Variants in TFEB observed in about 807,000 individuals in gnomAD.
TFEB encodes the protein transcription factor EB.
Under a neutral mutation model 48.0 loss-of-function variants are expected in TFEB, and 12 were observed. The observed-to-expected ratio is 0.25, with a 90% CI of 0.16 to 0.40. TFEB has a LOEUF of 0.40. TFEB is among the 10% of genes least tolerant of loss of function. The pLI is 1.00. For synonymous variants in TFEB, 244 were observed against 261.4 expected (o/e 0.93, Z 0.64); for missense variants, 509 against 640.3 (o/e 0.79, Z 2.21).
intron 8 of TFEB, among the ~76,000 whole-genome samples, chr6:41,685,342 T>A (rs1397656539): frequency 6.6e-6 from 1 of 152,348 alleles, no homozygotes; most frequent in Middle Eastern, 3.4e-3. Flanking sequence ...AATTGACTTG[T>A]CTAGACTAGA....
chr6:41,723,328 C>T lies in TFEB; in HGVS notation c.-23+12022G>A. On this transcript the variant is annotated intron_variant, in intron 1 of 8. Transcript: ENST00000373033. The surrounding 1 kb of genome is among the most constrained non-coding windows in gnomAD (Gnocchi z 6.0). Reference sequence around the variant, plus strand: ...AGGGGCCTCATCCCTACCCACCCACCTCCCCAAAGACACCACACGCATGCA... The same window carrying T: ...AGGGGCCTCATCCCTACCCACCCACTTCCCCAAAGACACCACACGCATGCA... The T allele has an allele frequency of 1.8e-6, 1 of 543,684 alleles. No homozygotes were observed. Among genetic ancestry groups the T allele is most frequent in the East Asian group, 7.3e-5 (1 of 13,668 alleles). The allele number at this position is 543,684 out of a possible 1,614,324, so 33.7% of individuals were successfully genotyped here.
At chr6:41,705,900 C>A in intron 1 of TFEB, 1 of 152,368 alleles carries the variant, frequency 6.6e-6, no homozygotes, top group South Asian at 2.1e-4. Context: ...AGATTCACTG[C>A]CGGGAGAGGC....
chr6:41,722,998 G>T lies in TFEB; in HGVS notation c.-23+12352C>A, dbSNP rs1466114203. Among the ~76,000 whole-genome samples, 4 of 152,176 alleles carry T rather than the reference G, an allele frequency of 2.6e-5. 1 individual carries two copies. The highest frequency in any genetic ancestry group is 9.7e-5 in the African/African-American group (4 of 41,434). ...TGAAACTGCAAAACGACAGGGCCAG[G>T]ATTCAAGCAGGTGGATGTAGAGCAT... On this transcript the variant is annotated intron_variant, in intron 1 of 8. Coordinates refer to ENST00000373033, the MANE Select transcript of TFEB (RefSeq NM_001271944.2).
At chr6:41,725,229 C>T (rs1259869492) in intron 1 of TFEB, among the ~76,000 whole-genome samples, 1 of 152,332 alleles carries the variant, frequency 6.6e-6, no homozygotes, top group Non-Finnish European at 1.5e-5. Context: ...TAATTAGTTA[C>T]AGGGGCTGTC....
intron 1 of TFEB, among the ~76,000 whole-genome samples, chr6:41,729,984 A>G (rs114349147): frequency 1.3e-5 from 2 of 152,260 alleles, no homozygotes; most frequent in Non-Finnish European, 2.9e-5. Context: ...CAGAAATTCA[A>G]ATTCTAGACC....
Position 41,684,577 on chromosome 6 carries a change from C to T in TFEB, c.*22G>A. 2 of 1,530,000 alleles carry T rather than the reference C, an allele frequency of 1.3e-6. No individual in the cohort carries two copies. The highest frequency in any genetic ancestry group is 1.8e-6 in the Non-Finnish European group (2 of 1,140,208). The allele number at this position is 1,530,000 out of a possible 1,614,324, so 94.8% of individuals were successfully genotyped here. ...CCAGCCCCCAGGCCGGCCCCTGTTC[C>T]CTGGCACAGGGGCAGCCAGGGTCAC... is the stretch of plus-strand genomic sequence containing the variant. On this transcript the variant is annotated 3_prime_UTR_variant, in exon 9 of 9. Coordinates refer to ENST00000373033, the MANE Select transcript of TFEB (RefSeq NM_001271944.2).
chr6:41,717,594 T>C (rs796852254), intron 1 of TFEB, among the ~76,000 whole-genome samples: 2 of 152,040 alleles, frequency 1.3e-5, no homozygotes, highest in African/African-American at 4.8e-5. Context: ...CTGAGAAGGA[T>C]CTCCCAGCAG....
intron 1 of TFEB, among the ~76,000 whole-genome samples, chr6:41,709,349 C>T (rs1440241685): frequency 6.6e-6 from 1 of 152,194 alleles, no homozygotes; most frequent in African/African-American, 2.4e-5. Context: ...AAAATTAGGA[C>T]AATATCCACC....
At chr6:41,687,873 G>A in intron 5 of TFEB, 35 bp downstream of exon 5, 15 of 1,609,876 alleles carry the variant, frequency 9.3e-6, no homozygotes, top group Non-Finnish European at 1.3e-5. Context: ...GAGGAGTCGG[G>A]TATTCAAAGG....
At chr6:41,688,138 C>CA in intron 4 of TFEB, 110 bp from the exon 5 acceptor site, 1 of 1,356,678 alleles carries the variant, frequency 7.4e-7, no homozygotes, top group East Asian at 2.4e-5. Context: ...CCTGGAGTGT[C>CA]AAAATTCACC....
chr6:41,719,201 T>C (rs1390867939), intron 1 of TFEB, among the ~76,000 whole-genome samples: 3 of 152,060 alleles, frequency 2.0e-5, no homozygotes, highest in Non-Finnish European at 4.4e-5. Context: ...CCTGTCACTG[T>C]CTCCCATCAC....
chr6:41,726,220 G>T (rs1322916881), intron 1 of TFEB, among the ~76,000 whole-genome samples: 2 of 152,206 alleles, frequency 1.3e-5, no homozygotes, highest in African/African-American at 2.4e-5. Flanking sequence ...TGACGTAAAA[G>T]AACATGTCCA....
intron 1 of TFEB, among the ~76,000 whole-genome samples, chr6:41,694,150 G>A (rs574650570): frequency 4.6e-5 from 7 of 152,206 alleles, no homozygotes; most frequent in Non-Finnish European, 7.3e-5. Context: ...GCCTGGCCTC[G>A]CGTGGACTGG....
Position 41,731,232 on chromosome 6 carries a change from G to A in TFEB, c.-23+4118C>T, listed in dbSNP as rs114054245. Reference sequence around the variant, plus strand: ...TAGGTGTGGAAACTGAGGCACAGTGGGGTTAAGCAGCTTGCCGAGGCTCAC... The same window carrying A: ...TAGGTGTGGAAACTGAGGCACAGTGAGGTTAAGCAGCTTGCCGAGGCTCAC... On this transcript the variant is annotated intron_variant, in intron 1 of 8. Coordinates refer to ENST00000373033, the MANE Select transcript of TFEB (RefSeq NM_001271944.2). Among the ~76,000 whole-genome samples, 974 of 152,276 alleles carry A rather than the reference G, an allele frequency of 6.4e-3. 11 individuals carry two copies. Among genetic ancestry groups the A allele is most frequent in the African/African-American group, 0.022 (920 of 41,530 alleles).
At chr6:41,685,386 A>G (rs1033496528) in intron 8 of TFEB, among the ~76,000 whole-genome samples, 9 of 152,212 alleles carry the variant, frequency 5.9e-5, no homozygotes, top group African/African-American at 2.2e-4. Flanking sequence ...CATTGCATCT[A>G]TTAAGGACGA....
rs1768873704 is a variant in TFEB at position 41,684,359 on chromosome 6, G to A, written c.*240C>T. 2.4e-6 allele frequency: 1 copy of A among 414,816 alleles called. No homozygotes were observed. The highest frequency in any genetic ancestry group is 2.1e-5 in the African/African-American group (1 of 48,766). The allele number at this position is 414,816 out of a possible 1,614,324, so 25.7% of individuals were successfully genotyped here. A position where few individuals can be genotyped will look rare whatever the true frequency, so the allele number is the denominator to read the frequency against. ...TCCCTGCCCCGCGATTCCATCTCCG[G>A]GAGAGGGGCTGAAGGCCTCTTCCCA... is the stretch of plus-strand genomic sequence containing the variant. On this transcript the variant is annotated 3_prime_UTR_variant, in exon 9 of 9. Transcript: ENST00000373033.
Position 41,684,884 on chromosome 6 carries a change from G to T in TFEB, c.1146C>A (p.Pro382=). The change falls in exon 9 of 9, where the codon CCC becomes CCA. Residue 382 remains proline, a synonymous_variant. Transcript: ENST00000373033. ...LPALPPQAPL[P]LPTQPPSPFH... Reference sequence around the variant, plus strand: ...ATGGGGATGGTGGCTGGGTGGGCAGGGGCAGCGGGGCTTGCGGGGGCAGAG... The same window carrying T: ...ATGGGGATGGTGGCTGGGTGGGCAGTGGCAGCGGGGCTTGCGGGGGCAGAG... 1 of 1,570,780 alleles carries T rather than the reference G, an allele frequency of 6.4e-7. No individual in the cohort carries two copies. Among genetic ancestry groups the T allele is most frequent in the Non-Finnish European group, 8.6e-7 (1 of 1,157,366 alleles).
chr6:41,714,023 T>C (rs1372738889), intron 1 of TFEB, among the ~76,000 whole-genome samples: 2 of 152,204 alleles, frequency 1.3e-5, no homozygotes, highest in African/African-American at 4.8e-5. Flanking sequence ...GCACCTCAGC[T>C]CCGAGGGCTC....
Position 41,691,622 on chromosome 6 carries a change from C to T in TFEB, c.-22-387G>A, listed in dbSNP as rs565210508. 2.1e-4 allele frequency: 87 copies of T among 418,286 alleles called. No individual in the cohort carries two copies. The highest frequency in any genetic ancestry group is 3.4e-4 in the Non-Finnish European group (75 of 221,192). The allele number at this position is 418,286 out of a possible 1,614,324, so 25.9% of individuals were successfully genotyped here. A position where few individuals can be genotyped will look rare whatever the true frequency, so the allele number is the denominator to read the frequency against. On this transcript the variant is annotated intron_variant, in intron 1 of 8. Transcript: ENST00000373033. The surrounding 1 kb of genome is among the most constrained non-coding windows in gnomAD (Gnocchi z 5.2). ...CTATCCTGGGTCTTACCTGGAATCC[C>T]GCAGGAGTAGCCCAGTGTTCAGACT...
Sources: gnomAD v4.1 joint callset for allele counts (sites outside exome capture counted in the v4.1 genomes callset) on GRCh38, gnomAD v4.1.1 for gene constraint, Gnocchi (gnomAD v3.1) non-coding constraint, MANE v1.5 for transcripts, NCBI Gene and HGNC (gene_info 2026-07-23, HGNC 2026-07-21) for gene names.